FCHSD2: variants seen among roughly 807,000 people sequenced by gnomAD.
FCHSD2 encodes the protein FCH and double SH3 domains 2, also known as F-BAR and double SH3 domains protein 2.
In FCHSD2, 38 loss-of-function variants were observed where a neutral mutation model predicts 108.1. The ratio of observed to expected loss-of-function variants is 0.35; its 90% CI spans 0.27 to 0.46. The LOEUF (loss-of-function observed/expected upper bound fraction) is 0.46, where lower values mean the gene tolerates loss of function less well. FCHSD2 is among the 20% of genes least tolerant of loss of function. The pLI, the probability that FCHSD2 is intolerant of heterozygous loss-of-function variation, is 1.00. For synonymous variants in FCHSD2, 279 were observed against 314.7 expected, an observed-to-expected ratio of 0.89 and a Z score of 1.20; for missense variants, 751 against 897.8, an observed-to-expected ratio of 0.84 and a Z score of 2.09.
At chr11:73,096,987 A>ATTTTGTTTTTTTTTTTTTT (rs1860096859) in intron 2 of FCHSD2, among the ~76,000 whole-genome samples, 1 of 27,020 alleles carries the variant, frequency 3.7e-5, no homozygotes, top group Non-Finnish European at 5.6e-5. Flanking sequence ...TCATTGATGG[A>ATTTTGTTTTTTTTTTTTTT]TTTTTTTTTT....
At chr11:72,918,391 T>C (rs574319820) in intron 9 of FCHSD2, among the ~76,000 whole-genome samples, 15 of 152,314 alleles carry the variant, frequency 9.8e-5, no homozygotes, top group Admixed American at 3.3e-4. Context: ...TCTTACCGAA[T>C]TGCCCTGTCT....
At chr11:72,956,548 G>C (rs1260731937) in intron 8 of FCHSD2, among the ~76,000 whole-genome samples, 1 of 152,140 alleles carries the variant, frequency 6.6e-6, no homozygotes, top group African/African-American at 2.4e-5. Context: ...CTTACTTCTG[G>C]AGACTGAGAA....
chr11:72,889,930 A>T lies in FCHSD2; in HGVS notation c.940T>A (p.Ser314Thr), dbSNP rs578179442. The part of the protein sequence containing the change: ...CDSDTSRQLE[S>T]ETGTTEEHSL... ...TGCTCCTCTGTGGTCCCAGTTTCTG[A>T]TTCTAACTGTCGGCTCTACAATACA... Residue 314 changes from serine to threonine, a missense_variant, in exon 11 of 20, where the codon TCA (serine) becomes ACA (threonine). Coordinates refer to ENST00000409418, the MANE Select transcript of FCHSD2 (RefSeq NM_014824.3). 1 of 1,609,944 alleles carries T rather than the reference A, an allele frequency of 6.2e-7. No individual in the cohort carries two copies. Among genetic ancestry groups the T allele is most frequent in the East Asian group, 2.2e-5 (1 of 44,854 alleles).
intron 12 of FCHSD2, among the ~76,000 whole-genome samples, chr11:72,871,741 C>T (rs1381787740): frequency 7.3e-6 from 1 of 136,920 alleles, no homozygotes; most frequent in Non-Finnish European, 1.5e-5. Flanking sequence ...TGACAAATAC[C>T]TTTGGTACAT....
At chr11:73,112,302 C>T (rs532530828) in intron 2 of FCHSD2, among the ~76,000 whole-genome samples, 66 of 152,326 alleles carry the variant, frequency 4.3e-4, no homozygotes, top group Non-Finnish European at 9.0e-4. Flanking sequence ...GCACTTTAAA[C>T]ATGTCATGTC....
intron 8 of FCHSD2, among the ~76,000 whole-genome samples, chr11:72,934,370 G>C (rs1363014121): frequency 7.2e-6 from 1 of 139,452 alleles, no homozygotes; most frequent in African/African-American, 2.7e-5. Flanking sequence ...TTACTCTGTT[G>C]CCCAGGCTGG....
chr11:72,953,009 T>C (rs1055718227), intron 8 of FCHSD2, among the ~76,000 whole-genome samples: 1 of 152,200 alleles, frequency 6.6e-6, no homozygotes, highest in African/African-American at 2.4e-5. Flanking sequence ...GACTTTGACT[T>C]GAAAAAATTT....
At chr11:72,867,476 T>C (rs1854753695) in intron 13 of FCHSD2, among the ~76,000 whole-genome samples, 1 of 152,200 alleles carries the variant, frequency 6.6e-6, no homozygotes, top group African/African-American at 2.4e-5. Context: ...TCACTTAAGA[T>C]TTTGTGCAAA....
At chr11:72,875,191 T>C (rs1854942483) in intron 12 of FCHSD2, among the ~76,000 whole-genome samples, 1 of 152,200 alleles carries the variant, frequency 6.6e-6, no homozygotes, top group South Asian at 2.1e-4. Flanking sequence ...GGTTTACTTG[T>C]AGAATAGAAT....
intron 9 of FCHSD2, among the ~76,000 whole-genome samples, chr11:72,909,767 C>T (rs1855716443): frequency 6.8e-6 from 1 of 147,444 alleles, no homozygotes; most frequent in African/African-American, 2.5e-5. Context: ...CCTGGCCGCC[C>T]CATCTGGGAA....
chr11:72,865,485 G>A (rs1271300961), intron 13 of FCHSD2, among the ~76,000 whole-genome samples: 3 of 152,168 alleles, frequency 2.0e-5, no homozygotes, highest in Non-Finnish European at 2.9e-5. Context: ...GGATATGTAT[G>A]TCTCTAGAGG....
rs867922056 is a variant in FCHSD2, at chr11:73,001,069, T to C, written c.308A>G (p.Asn103Ser). Residue 103 changes from asparagine (N) to serine (S), a missense_variant, in exon 5 of 20, where the codon AAT becomes AGT. Physicochemically the swap from Asn to Ser is conservative, Grantham distance 46. Coordinates refer to ENST00000409418, the MANE Select transcript of FCHSD2 (RefSeq NM_014824.3). ...GTMQVAQSRM[N>S]ICENYKNFIS... ...GAAGTTTTTATAGTTTTCACATATA[T>C]TCATCCGAGACTGGGCTACCTGCAT... The C allele has an allele frequency of 2.3e-5, 37 of 1,613,114 alleles. No individual in the cohort carries two copies. The Middle Eastern group carries it at 3.3e-3, about 144-fold the overall frequency.
chr11:73,141,968 A>C lies in FCHSD2; in HGVS notation c.-91T>G, dbSNP rs1861259965. 7.5e-7 allele frequency: 1 copy of C among 1,326,592 alleles called. No homozygotes were observed. The highest frequency in any genetic ancestry group is 1.5e-5 in the African/African-American group (1 of 67,466). 82.2% of individuals were successfully genotyped at this position (1,326,592 alleles called of 1,614,324 possible). The stretch of plus-strand genomic sequence containing the variant: ...CCGGAGAGGAGGGGACGGCCCAGCG[A>C]GCGCGCGCGTGTGTGAAAGGAGCGC... On this transcript the variant is annotated 5_prime_UTR_variant, in exon 1 of 20. Transcript: ENST00000409418.
At chr11:73,125,653 C>A (rs1565102380) in intron 2 of FCHSD2, among the ~76,000 whole-genome samples, 2 of 151,876 alleles carry the variant, frequency 1.3e-5, no homozygotes, top group African/African-American at 4.8e-5. Context: ...TGCAGTGAGC[C>A]ATGACCGCAC....
chr11:72,840,983 T>C (rs751969318), intron 18 of FCHSD2, 24 bp from the exon 19 acceptor site: 1 of 1,565,450 alleles, frequency 6.4e-7, no homozygotes, highest in Non-Finnish European at 8.8e-7. Context: ...CCAAAGAAGC[T>C]CATTTTACTT....
intron 3 of FCHSD2, among the ~76,000 whole-genome samples, chr11:73,019,311 G>A (rs1858045708): frequency 6.6e-6 from 1 of 152,104 alleles, no homozygotes; most frequent in Non-Finnish European, 1.5e-5. Context: ...GTTAGGCTTT[G>A]TTATCACCAC....
At chr11:72,863,203 A>C (rs980644621) in intron 13 of FCHSD2, among the ~76,000 whole-genome samples, 1 of 152,058 alleles carries the variant, frequency 6.6e-6, no homozygotes, top group South Asian at 2.1e-4. Flanking sequence ...TTGGGATTAC[A>C]GGCATAAGCC....
chr11:73,135,966 G>A (rs969777447), intron 2 of FCHSD2, among the ~76,000 whole-genome samples: 2 of 151,994 alleles, frequency 1.3e-5, no homozygotes. Context: ...AGTTCAAGAC[G>A]AGCCTGGGCA....
intron 3 of FCHSD2, among the ~76,000 whole-genome samples, chr11:73,057,980 C>T (rs1291556001): frequency 6.6e-6 from 1 of 151,710 alleles, no homozygotes; most frequent in Non-Finnish European, 1.5e-5. Context: ...CCCGGGTTCA[C>T]GCCATCCTCC....
Sources: gnomAD v4.1 joint callset for allele counts (sites outside exome capture counted in the v4.1 genomes callset) on GRCh38, gnomAD v4.1.1 for gene constraint, MANE v1.5 for transcripts, NCBI Gene and HGNC (gene_info 2026-07-23, HGNC 2026-07-21) for gene names.